The following DNAH14 variants were observed in gnomAD, a reference collection of about 807,000 sequenced individuals.
DNAH14 encodes the protein axonemal beta dynein heavy chain 14.
DNAH14 carries 478 observed loss-of-function variants against 520.9 expected under a neutral mutation model. The ratio of observed to expected loss-of-function variants is 0.92; its 90% CI spans 0.85 to 0.99. The LOEUF (loss-of-function observed/expected upper bound fraction) is 0.99, where lower values mean the gene tolerates loss of function less well. Among genes scored for constraint, DNAH14 ranks in the 50% least tolerant of loss-of-function variants. The pLI, the probability that DNAH14 is intolerant of heterozygous loss-of-function variation, is 0.00. For synonymous variants in DNAH14, 1,581 were observed against 1,757.2 expected, an observed-to-expected ratio of 0.90 and a Z score of 2.51; for missense variants, 4,831 against 5,234.5, an observed-to-expected ratio of 0.92 and a Z score of 2.38.
chr1:225,393,251 TAATA>T (rs766178662), intron 84 of DNAH14, among the ~76,000 whole-genome samples: 2 of 152,126 alleles, frequency 1.3e-5, no homozygotes, highest in Non-Finnish European at 2.9e-5. Flanking sequence ...GAAAAAATAG[TAATA>T]AATAAATAAG....
intron 11 of DNAH14, chr1:225,024,693 G>T (rs2065959284): frequency 6.6e-6 from 1 of 152,020 alleles, no homozygotes; most frequent in Non-Finnish European, 1.5e-5. Context: ...ACTTATAACT[G>T]GTTTGAGTCA....
chr1:225,067,581 C>T (rs776593975), intron 17 of DNAH14, among the ~76,000 whole-genome samples: 3 of 152,174 alleles, frequency 2.0e-5, no homozygotes, highest in Non-Finnish European at 2.9e-5. Flanking sequence ...ACACTCTCAT[C>T]AACAGTGTAT....
chr1:225,297,666 A>G (rs1244361924), intron 55 of DNAH14, among the ~76,000 whole-genome samples: 1 of 152,162 alleles, frequency 6.6e-6, no homozygotes, highest in Non-Finnish European at 1.5e-5. Flanking sequence ...TCAGCAGCCT[A>G]GGCTGTGAGG....
chr1:225,126,739 C>T (rs570050715), intron 27 of DNAH14, among the ~76,000 whole-genome samples: 2 of 152,006 alleles, frequency 1.3e-5, no homozygotes, highest in Non-Finnish European at 2.9e-5. Context: ...GTATTTCTTC[C>T]CTTCTGCAAG....
intron 69 of DNAH14, among the ~76,000 whole-genome samples, chr1:225,343,105 C>G (rs2095226336): frequency 6.6e-6 from 1 of 152,170 alleles, no homozygotes; most frequent in Non-Finnish European, 1.5e-5. Context: ...ATGTAGGTCC[C>G]CACTGTTAGA....
In DNAH14 at chr1:225,271,889, A is replaced by T. The variant is rs2093324541; in HGVS notation, c.7672-17A>T. 1 of 1,535,010 alleles carries T rather than the reference A, an allele frequency of 6.5e-7. No individual in the cohort carries two copies. On this transcript the variant is annotated splice_polypyrimidine_tract_variant and intron_variant, in intron 50 of 85. Coordinates refer to ENST00000682510, the MANE Select transcript of DNAH14 (RefSeq NM_001367479.1). ...TCAAATTTTTGGCAAGCTAAATTAT[A>T]ACATTTCTTTTTAAAGGCTCATTTG... is the stretch of plus-strand genomic sequence containing the variant.
chr1:225,163,366 T>C (rs936399479), intron 35 of DNAH14, among the ~76,000 whole-genome samples: 2 of 152,184 alleles, frequency 1.3e-5, no homozygotes, highest in Non-Finnish European at 2.9e-5. Context: ...TCTTGTCTGA[T>C]TGCTCCAGCT....
intron 21 of DNAH14, among the ~76,000 whole-genome samples, chr1:225,090,376 T>C (rs1185362017): frequency 6.6e-6 from 1 of 152,176 alleles, no homozygotes; most frequent in East Asian, 1.9e-4. Context: ...TTGTAGAAAT[T>C]GACAAGCTGA....
chr1:225,240,887 G>C, intron 43 of DNAH14, 65 bp downstream of exon 43: 33 of 1,171,102 alleles, frequency 2.8e-5, no homozygotes, highest in Non-Finnish European at 3.9e-5. Flanking sequence ...GCAATGCTTG[G>C]CTTATAATGA....
chr1:225,322,734 C>T lies in DNAH14; in HGVS notation c.9406C>T (p.Pro3136Ser), dbSNP rs1169561024. 6.4e-7 allele frequency: 1 copy of T among 1,551,528 alleles called. No homozygotes were observed. Among genetic ancestry groups the T allele is most frequent in the Non-Finnish European group, 8.7e-7 (1 of 1,146,914 alleles). Residue 3136 changes from proline (P) to serine (S), a missense_variant, in exon 62 of 86, where the codon CCT becomes TCT. Physicochemically the swap from Pro to Ser is moderately conservative, Grantham distance 74. Transcript: ENST00000682510. The part of the protein sequence containing the change: ...NAVCILLQKK[P>S]NWATAKLLLS... ...AGTGTGTATTCTTCTGCAAAAGAAA[C>T]CTAACTGGGCAACGGCAAAGTTACT...
chr1:225,351,922 G>A (rs1205543172), intron 72 of DNAH14, 39 bp downstream of exon 72: 1 of 1,457,436 alleles, frequency 6.9e-7, no homozygotes, highest in Non-Finnish European at 9.3e-7. Flanking sequence ...ACTTAAGTAT[G>A]TGTGTATGTG....
At position 225,339,327 on chromosome 1, in the gene DNAH14, T is replaced by C. The variant is rs544471217; in HGVS notation, c.10434-1130T>C. On this transcript the variant is annotated intron_variant, in intron 68 of 85. Coordinates refer to ENST00000682510, the MANE Select transcript of DNAH14 (RefSeq NM_001367479.1). The stretch of plus-strand genomic sequence containing the variant: ...ACTCTGTCTGAAAAAATAATAATAA[T>C]AATTCTCTCTTCCATTAATAAAACA... Among the ~76,000 whole-genome samples the C allele has an allele frequency of 2.0e-5, 3 of 151,994 alleles. No homozygotes were observed. The South Asian group carries it at 6.2e-4, about 32-fold the overall frequency.
At chr1:225,199,287 C>A (rs1351515801) in intron 38 of DNAH14, among the ~76,000 whole-genome samples, 1 of 151,652 alleles carries the variant, frequency 6.6e-6, no homozygotes, top group African/African-American at 2.4e-5. Flanking sequence ...TTCAGAGAAC[C>A]AGCTTTTTGT....
rs867112182 is a variant in DNAH14, at chr1:225,185,261, G to T, written c.5536-30G>T. 3 of 1,533,124 alleles carry T rather than the reference G, an allele frequency of 2.0e-6. 1 individual carries two copies. In the Middle Eastern group the frequency reaches 5.1e-4, roughly 259 times the overall value. 95.0% of individuals were successfully genotyped at this position (1,533,124 alleles called of 1,614,324 possible). A position where few individuals can be genotyped will look rare whatever the true frequency, so the allele number is the denominator to read the frequency against. ...GGTTAATAAACTTAAAATCATTAAT[G>T]AATGAATAAATCTGTAAATTTTGTT... On this transcript the variant is annotated intron_variant, in intron 36 of 85. Coordinates refer to ENST00000682510, the MANE Select transcript of DNAH14 (RefSeq NM_001367479.1).
rs747388037 is a variant in DNAH14 at position 225,374,785 on chromosome 1, G to A, written c.12416G>A (p.Arg4139Gln). ...YLIGEVIYGG[R>Q]VIDNWDKRCL... is the part of the protein sequence containing the mutation. ...ATTGGAGAAGTGATTTACGGTGGCC[G>A]GGTGATTGATAATTGGGACAAGCGA... is the stretch of plus-strand genomic sequence containing the variant. The change falls in exon 78 of 86, where the codon CGG (arginine) becomes CAG (glutamine). Residue 4139 changes from arginine (R) to glutamine (Q), a missense_variant. By Grantham distance (43) the Arg-to-Gln change is conservative. Coordinates refer to ENST00000682510, the MANE Select transcript of DNAH14 (RefSeq NM_001367479.1). The A allele has an allele frequency of 6.0e-5, 93 of 1,551,396 alleles. No homozygotes were observed. In the South Asian group the frequency reaches 7.0e-4, roughly 12 times the overall value.
At position 225,117,879 on chromosome 1, in the gene DNAH14, A is replaced by G. The variant is rs1203657246; in HGVS notation, c.3973-2A>G. The G allele has an allele frequency of 1.3e-6, 2 of 1,540,624 alleles. No individual in the cohort carries two copies. The highest frequency in any genetic ancestry group is 3.9e-5 in the Admixed American group (2 of 50,678). On this transcript the variant is annotated splice_acceptor_variant, in intron 24 of 85. Coordinates refer to ENST00000682510, the MANE Select transcript of DNAH14 (RefSeq NM_001367479.1). LOFTEE classifies it high-confidence loss of function. ...TTACTGACATTTGTTTCTGGTTCAC[A>G]GCCTCATCTTGTGAAATGCTTTGAA...
At chr1:225,091,972 A>G (rs2074437701) in intron 21 of DNAH14, among the ~76,000 whole-genome samples, 1 of 152,152 alleles carries the variant, frequency 6.6e-6, no homozygotes, top group South Asian at 2.1e-4. Flanking sequence ...CAAAAAAGAC[A>G]AAGAAGGGCT....
At chr1:224,964,709 T>A (rs2061052182) in intron 5 of DNAH14, 100 bp downstream of exon 5, 1 of 1,016,314 alleles carries the variant, frequency 9.8e-7, no homozygotes, top group South Asian at 2.3e-5. Context: ...AGTCAAACAT[T>A]ACATTAATAT....
At position 225,273,321 on chromosome 1, in the gene DNAH14, A is replaced by G. The variant is rs1160492622; in HGVS notation, c.8010+196A>G. On this transcript the variant is annotated intron_variant, in intron 52 of 85. Coordinates refer to ENST00000682510, the MANE Select transcript of DNAH14 (RefSeq NM_001367479.1). ...GTGATGGGCGCCTGTAGTCCCAGCT[A>G]CTCGGGAGGCTGAGGCGGAGAATGG... Among the ~76,000 whole-genome samples, 11 of 152,176 alleles carry G rather than the reference A, an allele frequency of 7.2e-5. No homozygotes were observed. In the East Asian group the frequency reaches 1.7e-3, roughly 24 times the overall value.
Sources: gnomAD v4.1 joint callset for allele counts (sites outside exome capture counted in the v4.1 genomes callset) on GRCh38, gnomAD v4.1.1 for gene constraint, MANE v1.5 for transcripts, NCBI Gene and HGNC (gene_info 2026-07-23, HGNC 2026-07-21) for gene names.